CDKN2D: variants seen among roughly 807,000 people sequenced by gnomAD.
CDKN2D encodes the protein cyclin dependent kinase inhibitor 2D.
In CDKN2D, 3 loss-of-function variants were observed where a neutral mutation model predicts 4.7. That is an observed-to-expected ratio of 0.64 (90% CI 0.29 to 1.66). CDKN2D has a LOEUF of 1.66. Among genes scored for constraint, CDKN2D ranks in the 40% most tolerant of loss-of-function variants. CDKN2D has a pLI of 0.10. For synonymous variants in CDKN2D, 91 were observed against 102.3 expected, an observed-to-expected ratio of 0.89 and a Z score of 0.67; for missense variants, 196 against 230.9, an observed-to-expected ratio of 0.85 and a Z score of 0.98.
rs1916980087 is a variant in CDKN2D at position 10,568,883 on chromosome 19, TCGGCCGCCCGCGGGGCCCTGC to T, written c.-251_-231del. 3.9e-6 allele frequency: 1 copy of T among 258,824 alleles called. No homozygotes were observed. The highest frequency in any genetic ancestry group is 2.3e-5 in the African/African-American group (1 of 44,296). The allele number at this position is 258,824 out of a possible 1,614,324, so 16.0% of individuals were successfully genotyped here. A position where few individuals can be genotyped will look rare whatever the true frequency, so the allele number is the denominator to read the frequency against. ...AGGGGCTGGGAGCCGGGCCCAACCC[TCGGCCGCCCGCGGGGCCCTGC>T]CCGGCGCCCGCCCCTTGGGGGCCGG... On this transcript the variant is annotated 5_prime_UTR_variant, in exon 1 of 2. Transcript: ENST00000393599.
Position 10,566,682 on chromosome 19 carries a change from T to G in CDKN2D, c.*376A>C. The G allele has an allele frequency of 3.3e-6, 1 of 299,894 alleles. No individual in the cohort carries two copies. The highest frequency in any genetic ancestry group is 6.4e-6 in the Non-Finnish European group (1 of 157,404). The allele number at this position is 299,894 out of a possible 1,614,324, so 18.6% of individuals were successfully genotyped here. A position where few individuals can be genotyped will look rare whatever the true frequency, so the allele number is the denominator to read the frequency against. On this transcript the variant is annotated 3_prime_UTR_variant, in exon 2 of 2. Transcript: ENST00000393599. ...CCATGCCTGAAGCAACGTGCACACT[T>G]CAGGTCTCTGAGCACAGCCGGCCAA... is the stretch of plus-strand genomic sequence containing the variant.
Position 10,567,033 on chromosome 19 carries a change from T to G in CDKN2D, c.*25A>C, listed in dbSNP as rs1287192577. ...TCTGATACATAACCCCACGGGGTTC[T>G]CTTGCTGGAGAGGGTGACCCCAGAT... On this transcript the variant is annotated 3_prime_UTR_variant, in exon 2 of 2. Transcript: ENST00000393599. The G allele has an allele frequency of 1.2e-5, 19 of 1,569,566 alleles. No homozygotes were observed. In the Admixed American group the frequency reaches 3.4e-4, roughly 28 times the overall value.
At position 10,566,844 on chromosome 19, in the gene CDKN2D, C is replaced by T. The variant is rs530036634; in HGVS notation, c.*214G>A. 1.9e-4 allele frequency: 102 copies of T among 550,938 alleles called. No individual in the cohort carries two copies. In the Middle Eastern group the frequency reaches 1.9e-3, roughly 11 times the overall value. 34.1% of individuals were successfully genotyped at this position (550,938 alleles called of 1,614,324 possible). ...TAGGTGGCTGTGGCCTGCAGGAGCC[C>T]TTCTCTGTCCAACACACCAAAAGGA... On this transcript the variant is annotated 3_prime_UTR_variant, in exon 2 of 2. Coordinates refer to ENST00000393599, the MANE Select transcript of CDKN2D (RefSeq NM_001800.4).
Position 10,566,651 on chromosome 19 carries a change from C to G in CDKN2D, c.*407G>C. On this transcript the variant is annotated 3_prime_UTR_variant, in exon 2 of 2. Coordinates refer to ENST00000393599, the MANE Select transcript of CDKN2D (RefSeq NM_001800.4). ...TCTTATTGATTTGGGACGCTCCCCCCACCCCCCATGCCTGAAGCAACGTGC... is the reference window on the plus strand; with the variant it reads ...TCTTATTGATTTGGGACGCTCCCCCGACCCCCCATGCCTGAAGCAACGTGC... 1 of 267,050 alleles carries G rather than the reference C, an allele frequency of 3.7e-6. No homozygotes were observed. The highest frequency in any genetic ancestry group is 7.3e-6 in the Non-Finnish European group (1 of 137,444). The allele number at this position is 267,050 out of a possible 1,614,324, so 16.5% of individuals were successfully genotyped here.
Position 10,568,601 on chromosome 19 carries a change from CG to C in CDKN2D, c.52del (p.Arg18GlyfsTer32). On this transcript the variant is annotated frameshift_variant, in exon 1 of 2. Coordinates refer to ENST00000393599, the MANE Select transcript of CDKN2D (RefSeq NM_001800.4). LOFTEE classifies it high-confidence loss of function. ...GCGGCGCACCTCCTGCACGTCGCCC[CG>C]GGCCGCCGCCCCACTCAGCCGGTCG... Reference protein sequence around the residue: ...AGDRLSGAAARGDVQEVRRLL... With the variant: ...AGDRLSGAAAXGDVQEVRRLL... 1 of 1,507,174 alleles carries C rather than the reference CG, an allele frequency of 6.6e-7. No homozygotes were observed. The highest frequency in any genetic ancestry group is 8.8e-7 in the Non-Finnish European group (1 of 1,134,318). 93.4% of individuals were successfully genotyped at this position (1,507,174 alleles called of 1,614,324 possible).
intron 1 of CDKN2D, among the ~76,000 whole-genome samples, chr19:10,567,882 G>A (rs1315583733): frequency 6.6e-6 from 1 of 152,108 alleles, no homozygotes; most frequent in Non-Finnish European, 1.5e-5. Context: ...TAATGGTGAT[G>A]TCACCTCAGA....
In CDKN2D at chr19:10,568,905, C is replaced by G; in HGVS notation, c.-252G>C. 4.3e-6 allele frequency: 1 copy of G among 232,022 alleles called. No homozygotes were observed. The highest frequency in any genetic ancestry group is 8.4e-6 in the Non-Finnish European group (1 of 119,168). 14.4% of individuals were successfully genotyped at this position (232,022 alleles called of 1,614,324 possible). A position where few individuals can be genotyped will look rare whatever the true frequency, so the allele number is the denominator to read the frequency against. ...CCCTCGGCCGCCCGCGGGGCCCTGC[C>G]CGGCGCCCGCCCCTTGGGGGCCGGG... On this transcript the variant is annotated 5_prime_UTR_variant, in exon 1 of 2. Coordinates refer to ENST00000393599, the MANE Select transcript of CDKN2D (RefSeq NM_001800.4).
chr19:10,568,646 A>G lies in CDKN2D; in HGVS notation c.8T>C (p.Leu3Pro). 1.3e-6 allele frequency: 2 copies of G among 1,494,642 alleles called. No homozygotes were observed. The highest frequency in any genetic ancestry group is 1.8e-6 in the Non-Finnish European group (2 of 1,127,856). 92.6% of individuals were successfully genotyped at this position (1,494,642 alleles called of 1,614,324 possible). A position where few individuals can be genotyped will look rare whatever the true frequency, so the allele number is the denominator to read the frequency against. MLLEEVRAGDRLS... is the reference protein window; with the variant it reads MLPEEVRAGDRLS... ...CCGGTCGCCGGCGCGAACCTCCTCC[A>G]GCAGCATGTCGACACTGGCGGCCTG... Residue 3 changes from leucine to proline, a missense_variant, in exon 1 of 2, where the codon CTG becomes CCG. By Grantham distance (98) the Leu-to-Pro change is moderately conservative. Transcript: ENST00000393599.
Position 10,567,301 on chromosome 19 carries a change from G to C in CDKN2D, c.258C>G (p.Phe86Leu), listed in dbSNP as rs112138820. The C allele has an allele frequency of 9.9e-6, 16 of 1,614,208 alleles. No homozygotes were observed. Among genetic ancestry groups the C allele is most frequent in the Non-Finnish European group, 1.3e-5 (15 of 1,180,026 alleles). Residue 86 changes from phenylalanine to leucine, a missense_variant, in exon 2 of 2, where the codon TTC (phenylalanine) becomes TTG (leucine). By Grantham distance (22) the Phe-to-Leu change is conservative (BLOSUM62 0). Transcript: ENST00000393599. ...CCACTAGGACCTTCAGGGTGTCCAG[G>C]AATCCAGTGCGGGCTGCGTCATGGA... is the stretch of plus-strand genomic sequence containing the variant. ...SPVHDAARTG[F>L]LDTLKVLVEH...
At chr19:10,567,540 G>T in intron 1 of CDKN2D, 123 bp from the exon 2 acceptor site, 2 of 1,135,934 alleles carry the variant, frequency 1.8e-6, no homozygotes, top group Admixed American at 2.3e-5. Context: ...CTAGAGGAGG[G>T]GTCCTCTAGT....
At chr19:10,568,233 C>T (rs1393938409) in intron 1 of CDKN2D, among the ~76,000 whole-genome samples, 1 of 152,130 alleles carries the variant, frequency 6.6e-6, no homozygotes, top group Non-Finnish European at 1.5e-5. Context: ...CCCGCACCCA[C>T]GGAATAAGAA....
intron 1 of CDKN2D, 51 bp from the exon 2 acceptor site, chr19:10,567,468 A>G (rs767710907): frequency 6.4e-6 from 10 of 1,558,340 alleles, no homozygotes; most frequent in Non-Finnish European, 8.7e-6. Context: ...AGGTTCCACA[A>G]AAGGGGTCAC....
Position 10,567,249 on chromosome 19 carries a change from C to T in CDKN2D, c.310G>A (p.Asp104Asn), listed in dbSNP as rs765714251. The T allele has an allele frequency of 5.6e-6, 9 of 1,614,180 alleles. No individual in the cohort carries two copies. Among genetic ancestry groups the T allele is most frequent in the African/African-American group, 2.7e-5 (2 of 75,048 alleles). The change falls in exon 2 of 2, where the codon GAT becomes AAT. Residue 104 changes from aspartate to asparagine, a missense_variant. Coordinates refer to ENST00000393599, the MANE Select transcript of CDKN2D (RefSeq NM_001800.4). Reference sequence around the variant, plus strand: ...TGGATTGGAAGTGCCCCGGTGCCATCAGGCACGTTGACATCAGCCCCGTGC... The same window carrying T: ...TGGATTGGAAGTGCCCCGGTGCCATTAGGCACGTTGACATCAGCCCCGTGC... ...VEHGADVNVPDGTGALPIHLA... is the reference protein window; with the variant it reads ...VEHGADVNVPNGTGALPIHLA...
chr19:10,568,687 C>G lies in CDKN2D; in HGVS notation c.-34G>C. 2.2e-6 allele frequency: 3 copies of G among 1,340,338 alleles called. No individual in the cohort carries two copies. Among genetic ancestry groups the G allele is most frequent in the Non-Finnish European group, 2.9e-6 (3 of 1,048,374 alleles). 83.0% of individuals were successfully genotyped at this position (1,340,338 alleles called of 1,614,324 possible). A position where few individuals can be genotyped will look rare whatever the true frequency, so the allele number is the denominator to read the frequency against. ...TGGCGGCCTGCAAAGCCCCCCGCCC[C>G]GCCCCAGCCCGGCGCTGTCAGCGCG... On this transcript the variant is annotated 5_prime_UTR_variant, in exon 1 of 2. Transcript: ENST00000393599.
At chr19:10,567,610 AAAGCTGGTCACTCCCTT>A (rs1185690750) in intron 1 of CDKN2D, among the ~76,000 whole-genome samples, 193 bp from the exon 2 acceptor site, 2 of 99,002 alleles carry the variant, frequency 2.0e-5, no homozygotes, top group African/African-American at 8.0e-5. Context: ...ACCCCCCCCA[AAAGCTGGTCACTCCCTT>A]AAGAATGAGA....
intron 1 of CDKN2D, among the ~76,000 whole-genome samples, chr19:10,568,059 G>A (rs988358736): frequency 1.3e-5 from 2 of 151,970 alleles, no homozygotes; most frequent in African/African-American, 4.8e-5. Context: ...TAACCTTTAG[G>A]AATGAAGACC....
rs1430517416 is a variant in CDKN2D at position 10,567,122 on chromosome 19, G to A, written c.437C>T (p.Ala146Val). Residue 146 changes from alanine to valine, a missense_variant, in exon 2 of 2, where the codon GCA (alanine) becomes GTA (valine). Physicochemically the swap from Ala to Val is moderately conservative, Grantham distance 64. Transcript: ENST00000393599. ...DARGLTPLEL[A>V]LQRGAQDLVD... ...GAGGTCCTGAGCCCCTCTCTGCAGT[G>A]CCAGCTCCAAGGGTGTGAGACCCCT... The A allele has an allele frequency of 3.7e-6, 6 of 1,613,844 alleles. No homozygotes were observed. Among genetic ancestry groups the A allele is most frequent in the African/African-American group, 1.3e-5 (1 of 74,930 alleles).
At position 10,566,642 on chromosome 19, in the gene CDKN2D, C is replaced by A; in HGVS notation, c.*416G>T. 7.6e-6 allele frequency: 2 copies of A among 262,452 alleles called. 1 individual carries two copies. The highest frequency in any genetic ancestry group is 1.5e-5 in the Non-Finnish European group (2 of 134,524). 16.3% of individuals were successfully genotyped at this position (262,452 alleles called of 1,614,324 possible). A position where few individuals can be genotyped will look rare whatever the true frequency, so the allele number is the denominator to read the frequency against. On this transcript the variant is annotated 3_prime_UTR_variant, in exon 2 of 2. Coordinates refer to ENST00000393599, the MANE Select transcript of CDKN2D (RefSeq NM_001800.4). Reference sequence around the variant, plus strand: ...ATTCTACCTTCTTATTGATTTGGGACGCTCCCCCCACCCCCCATGCCTGAA... The same window carrying A: ...ATTCTACCTTCTTATTGATTTGGGAAGCTCCCCCCACCCCCCATGCCTGAA...
rs1258076456 is a variant in CDKN2D, at chr19:10,568,581, G to A, written c.73C>T (p.Arg25Cys). 2 of 1,499,732 alleles carry A rather than the reference G, an allele frequency of 1.3e-6. No homozygotes were observed. Among genetic ancestry groups the A allele is most frequent in the Non-Finnish European group, 1.8e-6 (2 of 1,129,118 alleles). The allele number at this position is 1,499,732 out of a possible 1,614,324, so 92.9% of individuals were successfully genotyped here. A position where few individuals can be genotyped will look rare whatever the true frequency, so the allele number is the denominator to read the frequency against. ...AAARGDVQEV[R>C]RLLHRELVHP... The stretch of plus-strand genomic sequence containing the variant: ...ACCAGCTCCCGGTGCAGAAGGCGGC[G>A]CACCTCCTGCACGTCGCCCCGGGCC... The change falls in exon 1 of 2, where the codon CGC becomes TGC. Residue 25 changes from arginine to cysteine, a missense_variant. Coordinates refer to ENST00000393599, the MANE Select transcript of CDKN2D (RefSeq NM_001800.4).
Sources: gnomAD v4.1 joint callset for allele counts (sites outside exome capture counted in the v4.1 genomes callset) on GRCh38, gnomAD v4.1.1 for gene constraint, MANE v1.5 for transcripts, NCBI Gene and HGNC (gene_info 2026-07-23, HGNC 2026-07-21) for gene names.